HGF: variants seen among roughly 807,000 people sequenced by gnomAD.
HGF encodes the protein fibroblast-derived tumor cytotoxic factor.
HGF carries 39 observed loss-of-function variants against 111.6 expected under a neutral mutation model. The observed-to-expected ratio is 0.35, with a 90% CI of 0.27 to 0.46. HGF has a LOEUF of 0.46. Ranked by LOEUF, HGF falls within the 20% of genes least tolerant of loss-of-function variation. HGF has a pLI of 1.00. For missense variants in HGF, 735 were observed against 910.5 expected (o/e 0.81, Z 2.48); for synonymous variants, 285 against 294.8 (o/e 0.97, Z 0.34).
intron 9 of HGF, among the ~76,000 whole-genome samples, chr7:81,725,076 A>G (rs1009885073): frequency 6.6e-6 from 1 of 152,178 alleles, no homozygotes; most frequent in Non-Finnish European, 1.5e-5. Context: ...CTCCTGTTTT[A>G]ACCCTTGTCA....
chr7:81,725,162 T>G (rs552575241), intron 9 of HGF, among the ~76,000 whole-genome samples: 1 of 152,296 alleles, frequency 6.6e-6, no homozygotes, highest in African/African-American at 2.4e-5. Context: ...ATTTCTCCCT[T>G]CAGAGAAGAG....
chr7:81,704,982 A>G (rs1399969736), intron 17 of HGF, among the ~76,000 whole-genome samples: 1 of 151,876 alleles, frequency 6.6e-6, no homozygotes, highest in East Asian at 1.9e-4. Context: ...AAGAGATTTA[A>G]AAGTTTAAAG....
At position 81,758,739 on chromosome 7, in the gene HGF, C is replaced by T. The variant is rs1475727560; in HGVS notation, c.320G>A (p.Gly107Glu). Residue 107 changes from glycine to glutamate, a missense_variant, in exon 3 of 18, where the codon GGA (glycine) becomes GAA (glutamate). Coordinates refer to ENST00000222390, the MANE Select transcript of HGF (RefSeq NM_000601.6). ...LWFPFNSMSSGVKKEFGHEFD... is the reference protein window; with the variant it reads ...LWFPFNSMSSEVKKEFGHEFD... ...TTCATGGCCAAATTCTTTTTTCACTCCACTTGACATGCTATTGAAGGGGAA... is the reference window on the plus strand; with the variant it reads ...TTCATGGCCAAATTCTTTTTTCACTTCACTTGACATGCTATTGAAGGGGAA... The T allele has an allele frequency of 6.2e-7, 1 of 1,612,920 alleles. No homozygotes were observed.
At chr7:81,768,600 C>T (rs28521657) in intron 1 of HGF, among the ~76,000 whole-genome samples, 1 of 152,108 alleles carries the variant, frequency 6.6e-6, no homozygotes, top group African/African-American at 2.4e-5. Context: ...AGGATGGTCT[C>T]AATCTCCTGA....
At chr7:81,724,829 G>A (rs1438034794) in intron 9 of HGF, among the ~76,000 whole-genome samples, 2 of 152,168 alleles carry the variant, frequency 1.3e-5, no homozygotes, top group Non-Finnish European at 2.9e-5. Flanking sequence ...GGGGATATAA[G>A]CATTTCCTTT....
At chr7:81,763,622 A>T (rs1264691109) in intron 1 of HGF, among the ~76,000 whole-genome samples, 1 of 152,196 alleles carries the variant, frequency 6.6e-6, no homozygotes, top group Admixed American at 6.5e-5. Context: ...ACATTCTAAA[A>T]GACCTAATCT....
chr7:81,762,007 C>T (rs1447144876), intron 2 of HGF, among the ~76,000 whole-genome samples: 1 of 152,152 alleles, frequency 6.6e-6, no homozygotes, highest in Non-Finnish European at 1.5e-5. Context: ...CTGCAGCTCA[C>T]TCCCGCTGTG....
Position 81,745,030 on chromosome 7 carries a change from G to A in HGF, c.716C>T (p.Thr239Ile), listed in dbSNP as rs2116043527. The part of the protein sequence containing the change: ...GKICQRWDHQ[T>I]PHRHKFLPER... ...AGGCAAGAATTTGTGCCGGTGTGGT[G>A]TCTGATGATCCCAGCGCTGACAAAT... is the stretch of plus-strand genomic sequence containing the variant. The change falls in exon 6 of 18, where the codon ACA (threonine) becomes ATA (isoleucine). Residue 239 changes from threonine to isoleucine, a missense_variant. Thr to Ile is a moderately conservative substitution (Grantham distance 89, BLOSUM62 -1). This residue lies in a region of HGF where 553 missense variants were observed against 685.6 expected (regional missense o/e 0.81). Coordinates refer to ENST00000222390, the MANE Select transcript of HGF (RefSeq NM_000601.6). 1 of 1,614,000 alleles carries A rather than the reference G, an allele frequency of 6.2e-7. No homozygotes were observed. Among genetic ancestry groups the A allele is most frequent in the East Asian group, 2.2e-5 (1 of 44,858 alleles).
intron 4 of HGF, among the ~76,000 whole-genome samples, chr7:81,753,460 T>C (rs1284590956): frequency 6.6e-6 from 1 of 152,010 alleles, no homozygotes; most frequent in Non-Finnish European, 1.5e-5. Context: ...AGTCCAAGGA[T>C]TTTAGTATCT....
intron 4 of HGF, among the ~76,000 whole-genome samples, chr7:81,754,219 A>G (rs1475322093): frequency 6.6e-6 from 1 of 151,946 alleles, no homozygotes; most frequent in African/African-American, 2.4e-5. Flanking sequence ...TAATCTCTTC[A>G]CTTAGATGAA....
intron 1 of HGF, among the ~76,000 whole-genome samples, chr7:81,764,231 A>G (rs1346587174): frequency 6.6e-6 from 1 of 152,126 alleles, no homozygotes; most frequent in Non-Finnish European, 1.5e-5. Context: ...TTGGTTTATG[A>G]GATGAGCAGA....
chr7:81,769,657 G>A (rs1232096104), intron 1 of HGF, among the ~76,000 whole-genome samples: 3 of 152,054 alleles, frequency 2.0e-5, no homozygotes, highest in Non-Finnish European at 4.4e-5. Context: ...GGTTGGAGGT[G>A]GAGGGGAGTT....
In HGF at chr7:81,729,737, G is replaced by A. The variant is rs1413194664; in HGVS notation, c.908C>T (p.Thr303Ile). The A allele has an allele frequency of 1.2e-6, 2 of 1,613,888 alleles. No homozygotes were observed. The highest frequency in any genetic ancestry group is 1.1e-5 in the South Asian group (1 of 91,078). Residue 303 changes from threonine (T) to isoleucine (I), a missense_variant, in exon 8 of 18, where the codon ACT (threonine) becomes ATT (isoleucine). Thr to Ile is a moderately conservative substitution (Grantham distance 89). Around this residue, in one of 3 missense-constraint regions of HGF, gnomAD observed 553 missense variants for 685.6 expected, o/e 0.81. Transcript: ENST00000222390. Reference protein sequence around the residue: ...MNDTDVPLETTECIQGQGEGY... With the variant: ...MNDTDVPLETIECIQGQGEGY... ...TTCTCCTTGACCTTGGATGCATTCA[G>A]TTGTTTCCAAAGGAACATCAGTGTC... is the stretch of plus-strand genomic sequence containing the variant.
chr7:81,745,503 T>C (rs5745663), intron 5 of HGF, among the ~76,000 whole-genome samples: 10,821 of 152,236 alleles, frequency 0.071, 1,311 homozygotes, highest in African/African-American at 0.25. Flanking sequence ...ACAATAGTGT[T>C]TCTCTCTCAA....
intron 7 of HGF, among the ~76,000 whole-genome samples, chr7:81,731,363 A>AT (rs1787649666): frequency 4.6e-5 from 7 of 152,350 alleles, no homozygotes; most frequent in Admixed American, 4.6e-4. Context: ...AAAGAAACTC[A>AT]AATGAAGATG....
intron 4 of HGF, chr7:81,755,259 T>A (rs1788704322): frequency 1.3e-5 from 2 of 152,120 alleles, no homozygotes; most frequent in African/African-American, 4.8e-5. Context: ...CAACAATAAA[T>A]CATTCCTCCA....
intron 7 of HGF, among the ~76,000 whole-genome samples, chr7:81,731,479 A>C (rs1305856074): frequency 1.3e-5 from 2 of 152,204 alleles, no homozygotes; most frequent in Non-Finnish European, 2.9e-5. Context: ...GGAAGAACAA[A>C]AATTATTGGA....
At chr7:81,750,595 T>C (rs914769490) in intron 5 of HGF, among the ~76,000 whole-genome samples, 30 of 152,162 alleles carry the variant, frequency 2.0e-4, no homozygotes, top group Admixed American at 1.8e-3. Context: ...AGCAGTCCAG[T>C]CCTATGTTAA....
At chr7:81,769,173 C>G (rs1296305253) in intron 1 of HGF, among the ~76,000 whole-genome samples, 1 of 152,082 alleles carries the variant, frequency 6.6e-6, no homozygotes, top group African/African-American at 2.4e-5. Flanking sequence ...ATCTCTAAAT[C>G]TCCAAGCAAT....
Sources: allele counts gnomAD v4.1 joint callset (sites outside exome capture counted in the v4.1 genomes callset), GRCh38; gene constraint gnomAD v4.1.1; regional missense constraint gnomAD v4.1.1; transcripts MANE v1.5; gene names NCBI Gene and HGNC (gene_info 2026-07-23, HGNC 2026-07-21).